RBFOX1: variants seen among roughly 807,000 people sequenced by gnomAD.
The protein encoded by RBFOX1 is RNA binding fox-1 homolog 1.
In RBFOX1, 8 loss-of-function variants were observed where a neutral mutation model predicts 57.7. That is an observed-to-expected ratio of 0.14 (90% CI 0.08 to 0.25). RBFOX1 has a LOEUF of 0.25. Ranked by LOEUF, RBFOX1 falls within the 10% of genes least tolerant of loss-of-function variation. RBFOX1 has a pLI of 1.00. For missense variants in RBFOX1, 611 were observed against 548.5 expected, an observed-to-expected ratio of 1.11 and a Z score of -1.14; for synonymous variants, 326 against 222.4, an observed-to-expected ratio of 1.47 and a Z score of -4.15.
rs556807585 is a variant in RBFOX1 at position 7,616,491 on chromosome 16, C to T, written c.676+9153C>T. ...GGAGGTGTGAGGAACAGGAATTCAC[C>T]ATAAATAGTTACCATAAACAATTGG... On this transcript the variant is annotated intron_variant, in intron 10 of 15. Transcript: ENST00000550418. Among the ~76,000 whole-genome samples the T allele has an allele frequency of 1.2e-4, 19 of 152,322 alleles. No individual in the cohort carries two copies. The South Asian group carries it at 3.9e-3, about 32-fold the overall frequency.
At chr16:7,282,809 C>T (rs756759609) in intron 4 of RBFOX1, among the ~76,000 whole-genome samples, 14 of 152,210 alleles carry the variant, frequency 9.2e-5, no homozygotes, top group Non-Finnish European at 1.5e-4. Flanking sequence ...TTAGCTCCCA[C>T]TTATGAGTGA....
chr16:6,791,330 T>A (rs1380678264), intron 3 of RBFOX1, among the ~76,000 whole-genome samples: 1 of 152,344 alleles, frequency 6.6e-6, no homozygotes, highest in African/African-American at 2.4e-5. Context: ...AGTTATTGAT[T>A]ATTCATTTTA....
intron 4 of RBFOX1, among the ~76,000 whole-genome samples, chr16:7,155,738 T>TACACACACAC (rs138509367): frequency 3.2e-4 from 24 of 75,494 alleles, no homozygotes; most frequent in Admixed American, 8.3e-4. Context: ...TATATATATA[T>TACACACACAC]ACACACACAC....
chr16:7,105,750 A>G (rs896311308), intron 4 of RBFOX1, among the ~76,000 whole-genome samples: 4 of 148,630 alleles, frequency 2.7e-5, no homozygotes, highest in African/African-American at 1.0e-4. Flanking sequence ...ATTCAGTCAC[A>G]GAGATATATA....
At chr16:6,218,052 G>C (rs2097347600) in intron 1 of RBFOX1, among the ~76,000 whole-genome samples, 2 of 152,088 alleles carry the variant, frequency 1.3e-5, no homozygotes, top group East Asian at 1.9e-4. Context: ...TGAATGAAAA[G>C]TTGTGTAATC....
At chr16:6,317,338 T>G (rs911804871) in intron 2 of RBFOX1, among the ~76,000 whole-genome samples, 2 of 152,070 alleles carry the variant, frequency 1.3e-5, no homozygotes, top group Admixed American at 1.3e-4. Context: ...ATAAAATGTG[T>G]TTTTGGTTTC....
intron 4 of RBFOX1, among the ~76,000 whole-genome samples, chr16:7,103,256 C>G (rs138496065): frequency 2.0e-5 from 3 of 152,198 alleles, no homozygotes; most frequent in Non-Finnish European, 4.4e-5. Flanking sequence ...CTTTGATTTC[C>G]AGAACTTTAA....
intron 1 of RBFOX1, among the ~76,000 whole-genome samples, chr16:5,381,261 C>G (rs1468714601): frequency 3.9e-5 from 6 of 152,216 alleles, no homozygotes. Context: ...TCATCACATC[C>G]ATGCATATTA....
chr16:5,253,393 C>T (rs550062063), intron 1 of RBFOX1, among the ~76,000 whole-genome samples: 1 of 152,246 alleles, frequency 6.6e-6, no homozygotes, highest in Admixed American at 6.5e-5. Context: ...CTCAGGTGAT[C>T]CACCCACCTC....
intron 1 of RBFOX1, among the ~76,000 whole-genome samples, chr16:6,164,405 A>G (rs1475911549): frequency 3.3e-5 from 5 of 151,996 alleles, no homozygotes; most frequent in African/African-American, 1.2e-4. Context: ...TGCATTTCCA[A>G]AATATATATA....
chr16:6,815,213 G>A (rs2089800465), intron 3 of RBFOX1, among the ~76,000 whole-genome samples: 1 of 152,158 alleles, frequency 6.6e-6, no homozygotes, highest in Non-Finnish European at 1.5e-5. Flanking sequence ...AGCATATAGT[G>A]AAGAGTGAGG....
intron 1 of RBFOX1, among the ~76,000 whole-genome samples, chr16:6,064,085 C>A (rs2095726099): frequency 6.6e-6 from 1 of 152,050 alleles, no homozygotes; most frequent in Non-Finnish European, 1.5e-5. Context: ...ATGATACATT[C>A]CCCTTTTGGT....
intron 4 of RBFOX1, among the ~76,000 whole-genome samples, chr16:7,280,051 T>C (rs546712475): frequency 2.1e-4 from 32 of 152,338 alleles, no homozygotes; most frequent in Non-Finnish European, 1.3e-4. Context: ...CCCGCTGCGA[T>C]TGGATCTGTA....
chr16:7,409,838 G>C (rs935430975), intron 4 of RBFOX1, among the ~76,000 whole-genome samples: 3 of 152,302 alleles, frequency 2.0e-5, no homozygotes, highest in South Asian at 2.1e-4. Context: ...CCATTGCTTT[G>C]ATATGGCAGA....
chr16:6,535,678 C>T (rs749367115), intron 2 of RBFOX1, among the ~76,000 whole-genome samples: 25 of 152,164 alleles, frequency 1.6e-4, no homozygotes, highest in Non-Finnish European at 7.3e-5. Context: ...AGGATCCTGA[C>T]CCATGGACAT....
At chr16:6,288,123 C>G (rs181338034) in intron 1 of RBFOX1, among the ~76,000 whole-genome samples, 1 of 152,152 alleles carries the variant, frequency 6.6e-6, no homozygotes, top group East Asian at 1.9e-4. Flanking sequence ...AGATGTGAAG[C>G]TCTCATTCAG....
At chr16:6,613,481 A>G (rs970785914) in intron 2 of RBFOX1, among the ~76,000 whole-genome samples, 9 of 152,080 alleles carry the variant, frequency 5.9e-5, no homozygotes, top group Admixed American at 5.2e-4. Context: ...CAACCCTTAA[A>G]CAGTTAAGCA....
intron 2 of RBFOX1, among the ~76,000 whole-genome samples, chr16:5,491,507 C>T (rs911557316): frequency 9.9e-5 from 15 of 152,130 alleles, no homozygotes; most frequent in Admixed American, 3.9e-4. Flanking sequence ...CCCAAATGTC[C>T]ATCAACAGGA....
intron 4 of RBFOX1, among the ~76,000 whole-genome samples, chr16:7,458,169 A>C (rs6500971): frequency 1 from 152,317 of 152,318 alleles, 76,158 homozygotes; most frequent in Non-Finnish European, 1. Flanking sequence ...CCACACGTCT[A>C]TACTGCCAGA....
Sources: allele counts gnomAD v4.1 joint callset (sites outside exome capture counted in the v4.1 genomes callset), GRCh38; gene constraint gnomAD v4.1.1; transcripts MANE v1.5; gene names NCBI Gene and HGNC (gene_info 2026-07-23, HGNC 2026-07-21).